Variants in ZMAT4 observed in about 807,000 individuals in gnomAD.
ZMAT4 encodes the protein zinc finger matrin-type 4.
Under a neutral mutation model 28.7 loss-of-function variants are expected in ZMAT4, and 17 were observed. The ratio of observed to expected loss-of-function variants is 0.59; its 90% CI spans 0.41 to 0.89. The LOEUF (loss-of-function observed/expected upper bound fraction) is 0.89, where lower values mean the gene tolerates loss of function less well. Among genes scored for constraint, ZMAT4 ranks in the 40% least tolerant of loss-of-function variants. The pLI is 0.00. For synonymous variants in ZMAT4, 117 were observed against 109.2 expected (o/e 1.07, Z -0.44); for missense variants, 240 against 283.8 (o/e 0.85, Z 1.11).
chr8:40,849,320 C>G (rs895346300), intron 1 of ZMAT4, among the ~76,000 whole-genome samples: 2 of 152,170 alleles, frequency 1.3e-5, no homozygotes, highest in African/African-American at 4.8e-5. Context: ...GAAAAACAGG[C>G]TTCCCTTCTG....
At chr8:40,762,839 A>G (rs772038987) in intron 3 of ZMAT4, among the ~76,000 whole-genome samples, 1 of 152,184 alleles carries the variant, frequency 6.6e-6, no homozygotes, top group Non-Finnish European at 1.5e-5. Context: ...CTGCCAGAGA[A>G]TAAATGCTCT....
At chr8:40,686,400 A>G (rs1370648129) in intron 4 of ZMAT4, among the ~76,000 whole-genome samples, 1 of 152,050 alleles carries the variant, frequency 6.6e-6, no homozygotes, top group Non-Finnish European at 1.5e-5. Context: ...AGGAATTCAA[A>G]GCTTGAGTAA....
At chr8:40,565,630 G>A (rs922229916) in intron 6 of ZMAT4, among the ~76,000 whole-genome samples, 10 of 151,646 alleles carry the variant, frequency 6.6e-5, no homozygotes, top group Non-Finnish European at 1.2e-4. Flanking sequence ...TACACTCCTC[G>A]GCCTACCAAA....
At chr8:40,629,836 T>C (rs1251047224) in intron 5 of ZMAT4, among the ~76,000 whole-genome samples, 2 of 152,126 alleles carry the variant, frequency 1.3e-5, no homozygotes, top group African/African-American at 2.4e-5. Context: ...TTCCAAGTCT[T>C]TGCTATTGTG....
At chr8:40,571,544 A>C (rs1344805967) in intron 6 of ZMAT4, among the ~76,000 whole-genome samples, 1 of 152,140 alleles carries the variant, frequency 6.6e-6, no homozygotes, top group African/African-American at 2.4e-5. Context: ...CTTTGGCCCA[A>C]AGGCTGTGAC....
intron 3 of ZMAT4, among the ~76,000 whole-genome samples, chr8:40,765,480 T>C (rs562176525): frequency 5.3e-5 from 8 of 152,346 alleles, no homozygotes; most frequent in Admixed American, 3.9e-4. Context: ...TTTGCTTTTA[T>C]ATTATGCTCA....
chr8:40,643,093 C>T (rs1341575130), intron 5 of ZMAT4, among the ~76,000 whole-genome samples: 5 of 152,134 alleles, frequency 3.3e-5, no homozygotes, highest in African/African-American at 7.2e-5. Context: ...TAAATTCCTT[C>T]GCAGCTTTAG....
chr8:40,648,201 A>G (rs1242377322), intron 5 of ZMAT4, among the ~76,000 whole-genome samples: 1 of 152,198 alleles, frequency 6.6e-6, no homozygotes, highest in Non-Finnish European at 1.5e-5. Context: ...ACGTATAACT[A>G]GAATAACCAA....
intron 2 of ZMAT4, chr8:40,786,723 G>C: frequency 7.8e-7 from 1 of 1,289,260 alleles, no homozygotes; most frequent in African/African-American, 1.5e-5. Flanking sequence ...TCTTCAGTGT[G>C]ACATCTTCTT....
chr8:40,559,311 T>G (rs987777681), intron 6 of ZMAT4, among the ~76,000 whole-genome samples: 1 of 152,120 alleles, frequency 6.6e-6, no homozygotes, highest in Non-Finnish European at 1.5e-5. Context: ...CAGGGCCTAA[T>G]TATAATACTT....
At chr8:40,622,364 A>C (rs1212381076) in intron 5 of ZMAT4, among the ~76,000 whole-genome samples, 10 of 152,196 alleles carry the variant, frequency 6.6e-5, no homozygotes. Flanking sequence ...TCCAACACTT[A>C]AGGGGAGGCC....
intron 3 of ZMAT4, among the ~76,000 whole-genome samples, chr8:40,719,454 GAATA>G (rs1469352484): frequency 6.6e-6 from 1 of 151,732 alleles, no homozygotes; most frequent in Non-Finnish European, 1.5e-5. Context: ...ATAAATAAAT[GAATA>G]AATAAATAAA....
intron 3 of ZMAT4, among the ~76,000 whole-genome samples, chr8:40,700,308 G>A (rs1398927344): frequency 6.6e-6 from 1 of 151,220 alleles, no homozygotes. Flanking sequence ...CCTTCTTAAA[G>A]GAAATGCTGG....
chr8:40,605,654 T>C (rs1805555078), intron 5 of ZMAT4, among the ~76,000 whole-genome samples: 1 of 152,230 alleles, frequency 6.6e-6, no homozygotes, highest in Admixed American at 6.5e-5. Context: ...TTGGGTAGAA[T>C]GTTCTGTAAA....
chr8:40,650,316 G>C (rs1313184755), intron 5 of ZMAT4, among the ~76,000 whole-genome samples: 9 of 151,254 alleles, frequency 6.0e-5, no homozygotes, highest in African/African-American at 1.9e-4. Context: ...AAATAAACTA[G>C]AAAATCTAGA....
intron 6 of ZMAT4, among the ~76,000 whole-genome samples, chr8:40,556,567 C>T (rs1803544743): frequency 6.6e-6 from 1 of 152,158 alleles, no homozygotes; most frequent in African/African-American, 2.4e-5. Flanking sequence ...AGAAGCACAT[C>T]ACATCCTGCC....
intron 3 of ZMAT4, among the ~76,000 whole-genome samples, chr8:40,715,047 C>CAAA (rs10690797): frequency 4.1e-5 from 3 of 73,364 alleles, no homozygotes; most frequent in African/African-American, 6.1e-5. Flanking sequence ...GACTCTGTCT[C>CAAA]AAAAAAAAAA....
intron 5 of ZMAT4, among the ~76,000 whole-genome samples, chr8:40,589,228 G>C (rs999259848): frequency 6.6e-6 from 1 of 152,156 alleles, no homozygotes; most frequent in African/African-American, 2.4e-5. Context: ...TTGTTATACC[G>C]ATTTAACAGA....
At chr8:40,881,439 GAAAGAAAGAAAGAAAGAAAGAAAGAA>G (rs1818224850) in intron 1 of ZMAT4, among the ~76,000 whole-genome samples, 37 of 79,574 alleles carry the variant, frequency 4.6e-4, no homozygotes, top group African/African-American at 1.2e-3. Flanking sequence ...AAGAGAGAAA[GAAAGAAAGAAAGAAAGAAAGAAAGAA>G]AGAAAGAAAG....
Sources: gnomAD v4.1 joint callset for allele counts (sites outside exome capture counted in the v4.1 genomes callset) on GRCh38, gnomAD v4.1.1 for gene constraint, MANE v1.5 for transcripts, NCBI Gene and HGNC (gene_info 2026-07-23, HGNC 2026-07-21) for gene names.